PPP1R16B: variants seen among roughly 807,000 people sequenced by gnomAD.
PPP1R16B encodes protein phosphatase 1 regulatory inhibitor subunit 16B.
A neutral mutation model predicts 61.7 loss-of-function variants in PPP1R16B; 14 were observed. That is an observed-to-expected ratio of 0.23 (90% CI 0.15 to 0.35). The LOEUF (loss-of-function observed/expected upper bound fraction) is 0.35. PPP1R16B is among the 10% of genes least tolerant of loss of function. The pLI, the probability that PPP1R16B is intolerant of heterozygous loss-of-function variation, is 1.00. For synonymous variants in PPP1R16B, 266 were observed against 305.3 expected, an observed-to-expected ratio of 0.87 and a Z score of 1.34; for missense variants, 547 against 752.5, an observed-to-expected ratio of 0.73 and a Z score of 3.19.
chr20:38,848,629 T>G (rs1368923598), intron 2 of PPP1R16B, among the ~76,000 whole-genome samples: 1 of 152,196 alleles, frequency 6.6e-6, no homozygotes, highest in Non-Finnish European at 1.5e-5. Context: ...CCTCCAAACC[T>G]CAAAAATAGA....
chr20:38,887,811 C>T (rs920312500), intron 2 of PPP1R16B, among the ~76,000 whole-genome samples: 1 of 152,232 alleles, frequency 6.6e-6, no homozygotes, highest in African/African-American at 2.4e-5. Flanking sequence ...GATGCCACCT[C>T]TTACTGGGTG....
intron 10 of PPP1R16B, among the ~76,000 whole-genome samples, chr20:38,913,202 GACAA>G (rs1350062751): frequency 6.6e-5 from 10 of 152,156 alleles, no homozygotes; most frequent in African/African-American, 2.4e-4. Flanking sequence ...TAGCAGTACA[GACAA>G]ACTAAATCAG....
chr20:38,847,653 G>A (rs559505587), intron 2 of PPP1R16B, among the ~76,000 whole-genome samples: 4 of 152,184 alleles, frequency 2.6e-5, no homozygotes, highest in East Asian at 3.9e-4. Context: ...CACTGCACCC[G>A]GACTATTTGT....
intron 1 of PPP1R16B, among the ~76,000 whole-genome samples, chr20:38,830,358 A>G (rs1354464977): frequency 6.6e-6 from 1 of 152,250 alleles, no homozygotes; most frequent in African/African-American, 2.4e-5. Context: ...ATTGCCACGA[A>G]GATCAATGGC....
chr20:38,907,844 G>T lies in PPP1R16B; in HGVS notation c.937G>T (p.Glu313Ter). The T allele has an allele frequency of 6.2e-7, 1 of 1,614,138 alleles. No individual in the cohort carries two copies. The highest frequency in any genetic ancestry group is 1.1e-5 in the South Asian group (1 of 91,076). The part of the protein sequence containing the change: ...EEEEFKVLLL[E>*]LKHKHDVIMK... ...GGAAGAGTTCAAGGTCCTGCTGCTG[G>T]AGCTAAAACACAAGCATGATGTGAT... Residue 313 changes from glutamate (E) to a stop codon, truncating the protein, a stop_gained, in exon 9 of 11, where the codon GAG (glutamate) becomes TAG (stop). Transcript: ENST00000299824. LOFTEE classifies it high-confidence loss of function. This position sits in a 1 kb window ranked among gnomAD's most constrained non-coding sequence, Gnocchi z 4.5.
chr20:38,857,890 A>T (rs966667100), intron 2 of PPP1R16B, among the ~76,000 whole-genome samples: 1 of 151,784 alleles, frequency 6.6e-6, no homozygotes, highest in African/African-American at 2.4e-5. Flanking sequence ...GGGCACTAGG[A>T]CACTATCTTA....
rs1250727610 is a variant in PPP1R16B at position 38,921,671 on chromosome 20, G to GC, written c.*3006dup. The GC allele has an allele frequency of 1.3e-5, 2 of 152,356 alleles. No individual in the cohort carries two copies. Among genetic ancestry groups the GC allele is most frequent in the Non-Finnish European group, 2.9e-5 (2 of 68,036 alleles). The allele number at this position is 152,356 out of a possible 1,614,324, so 9.4% of individuals were successfully genotyped here. A position where few individuals can be genotyped will look rare whatever the true frequency, so the allele number is the denominator to read the frequency against. ...TTTCAGTGATAGCTGCCTTCAGCCAGCATCTTTGGGGGACTCTATAATAGC... is the reference window on the plus strand; with the variant it reads ...TTTCAGTGATAGCTGCCTTCAGCCAGCCATCTTTGGGGGACTCTATAATAGC... On this transcript the variant is annotated 3_prime_UTR_variant, in exon 11 of 11. Transcript: ENST00000299824.
At chr20:38,885,735 G>A (rs1167335164) in intron 2 of PPP1R16B, among the ~76,000 whole-genome samples, 1 of 152,096 alleles carries the variant, frequency 6.6e-6, no homozygotes, top group Non-Finnish European at 1.5e-5. Flanking sequence ...AATTGACCGA[G>A]GTGCAAATAA....
chr20:38,904,070 C>T (rs558051684), intron 6 of PPP1R16B, among the ~76,000 whole-genome samples: 1 of 151,494 alleles, frequency 6.6e-6, no homozygotes, highest in East Asian at 2.0e-4. Context: ...TGGGCTTCTC[C>T]CACCTGCTTC....
chr20:38,825,185 C>T (rs1447748142), intron 1 of PPP1R16B, among the ~76,000 whole-genome samples: 1 of 152,192 alleles, frequency 6.6e-6, no homozygotes, highest in Non-Finnish European at 1.5e-5. Flanking sequence ...ATGGACAAGA[C>T]AGTGATCCCC....
At chr20:38,854,158 C>T (rs2084987714) in intron 2 of PPP1R16B, among the ~76,000 whole-genome samples, 1 of 152,182 alleles carries the variant, frequency 6.6e-6, no homozygotes, top group African/African-American at 2.4e-5. Flanking sequence ...ATTGATGTCC[C>T]TGGAATGTCT....
chr20:38,807,277 T>C (rs1439861489), intron 1 of PPP1R16B, among the ~76,000 whole-genome samples: 1 of 152,202 alleles, frequency 6.6e-6, no homozygotes, highest in Non-Finnish European at 1.5e-5. Context: ...TGTCTACTCG[T>C]GGGCAAGGTA....
intron 1 of PPP1R16B, among the ~76,000 whole-genome samples, chr20:38,808,436 G>T (rs1483557682): frequency 2.0e-5 from 3 of 152,082 alleles, no homozygotes; most frequent in Admixed American, 6.5e-5. Context: ...TGACCAGGAG[G>T]TCCCAACTGG....
At chr20:38,863,583 TG>T (rs1331672420) in intron 2 of PPP1R16B, among the ~76,000 whole-genome samples, 1 of 152,234 alleles carries the variant, frequency 6.6e-6, no homozygotes, top group Non-Finnish European at 1.5e-5. Flanking sequence ...AGCAGCTGTG[TG>T]ATCCTGGGCC....
At chr20:38,844,294 A>C (rs572472296) in intron 2 of PPP1R16B, among the ~76,000 whole-genome samples, 18 of 152,342 alleles carry the variant, frequency 1.2e-4, no homozygotes, top group Middle Eastern at 3.4e-3. Context: ...GTAGCTATAA[A>C]AGTTTTCTAA....
intron 1 of PPP1R16B, among the ~76,000 whole-genome samples, chr20:38,824,340 GTC>G (rs2084791042): frequency 1.3e-5 from 2 of 152,268 alleles, no homozygotes; most frequent in Admixed American, 1.3e-4. Flanking sequence ...TTACCAGTTG[GTC>G]TCTCTGGTTT....
At chr20:38,849,681 AC>A (rs558902015) in intron 2 of PPP1R16B, among the ~76,000 whole-genome samples, 92,508 of 143,830 alleles carry the variant, frequency 0.64, 29,529 homozygotes, top group African/African-American at 0.74. Flanking sequence ...AACAACAACA[AC>A]AACAAAAAAA....
chr20:38,838,909 TGGGTCCA>T (rs1410058828), intron 2 of PPP1R16B, among the ~76,000 whole-genome samples: 1 of 152,212 alleles, frequency 6.6e-6, no homozygotes, highest in Non-Finnish European at 1.5e-5. Context: ...TTCACCTCTA[TGGGTCCA>T]GTTTTTTTGT....
chr20:38,902,786 C>T lies in PPP1R16B; in HGVS notation c.690C>T (p.Ala230=), dbSNP rs2085407207. 6.2e-7 allele frequency: 1 copy of T among 1,614,074 alleles called. No homozygotes were observed. Among genetic ancestry groups the T allele is most frequent in the South Asian group, 1.1e-5 (1 of 91,084 alleles). Residue 230 remains alanine, a synonymous_variant, in exon 6 of 11, where the codon GCC becomes GCT. Coordinates refer to ENST00000299824, the MANE Select transcript of PPP1R16B (RefSeq NM_015568.4). ...QDLDWIDAQG[A]TLLHIAGANG... is the part of the protein sequence containing the mutation. The stretch of plus-strand genomic sequence containing the variant: ...TGGACTGGATAGATGCCCAGGGTGC[C>T]ACACTGGTGAGGAGATGGGCCAGTA...
Sources: allele counts gnomAD v4.1 joint callset (sites outside exome capture counted in the v4.1 genomes callset), GRCh38; gene constraint gnomAD v4.1.1; non-coding constraint Gnocchi (gnomAD v3.1); transcripts MANE v1.5; gene names NCBI Gene and HGNC (gene_info 2026-07-23, HGNC 2026-07-21).